Variants in BRICD5 observed in about 807,000 individuals in gnomAD.
The protein encoded by BRICD5 is BRICHOS domain containing 5.
BRICD5 carries 51 observed loss-of-function variants against 28.4 expected under a neutral mutation model. The ratio of observed to expected loss-of-function variants is 1.80; its 90% CI spans 1.43 to 2.27. BRICD5 has a LOEUF of 2.27. BRICD5 is among the 30% of genes most tolerant of loss of function. BRICD5 has a pLI of 0.00. For missense variants in BRICD5, 456 were observed against 309.6 expected, an observed-to-expected ratio of 1.47 and a Z score of -3.55; for synonymous variants, 177 against 130.2, an observed-to-expected ratio of 1.36 and a Z score of -2.44.
Position 2,210,192 on chromosome 16 carries a change from C to T in BRICD5, c.270G>A (p.Ala90=), listed in dbSNP as rs141214489. The change falls in exon 3 of 6, where the codon GCG becomes GCA. Residue 90 remains alanine, a synonymous_variant. Transcript: ENST00000328540. ...GAGGTGGGGTCACTGTGATGGTCGC[C>T]GCGTTCCGGGCCACGTCCACCAGGA... ...QTILVDVARN[A]ATITVTPPQS... 3.2e-5 allele frequency: 51 copies of T among 1,599,674 alleles called. No homozygotes were observed. The highest frequency in any genetic ancestry group is 3.9e-5 in the Non-Finnish European group (46 of 1,174,978).
chr16:2,210,311 C>T (rs1392248572), intron 2 of BRICD5, 30 bp from the exon 3 acceptor site: 1 of 1,507,174 alleles, frequency 6.6e-7, no homozygotes, highest in Non-Finnish European at 8.9e-7. Flanking sequence ...TTCAGCCGGG[C>T]AGCTGTGCAA....
Position 2,210,079 on chromosome 16 carries a change from C to T in BRICD5, c.337-28G>A, listed in dbSNP as rs754242210. ...GGGGAGGCAGGGGGGTGAGGCGGGG[C>T]CCCCCAGACCGACACCTGCCAGGGT... On this transcript the variant is annotated intron_variant, in intron 3 of 5. Coordinates refer to ENST00000328540, the MANE Select transcript of BRICD5 (RefSeq NM_182563.4). 39 of 1,597,938 alleles carry T rather than the reference C, an allele frequency of 2.4e-5. 1 individual carries two copies. The highest frequency in any genetic ancestry group is 1.2e-4 in the South Asian group (11 of 89,332).
intron 4 of BRICD5, 73 bp downstream of exon 4, chr16:2,209,877 T>A: frequency 1.4e-6 from 2 of 1,416,406 alleles, no homozygotes; most frequent in Non-Finnish European, 9.4e-7. Flanking sequence ...CTCCAGCCTG[T>A]CCCGTACTGG....
chr16:2,209,494 C>T (rs1190013535), intron 5 of BRICD5, 38 bp from the exon 6 acceptor site: 1 of 1,613,096 alleles, frequency 6.2e-7, no homozygotes, highest in Admixed American at 1.7e-5. Flanking sequence ...AGGGCTCCGC[C>T]CCCAGCTCCT....
chr16:2,210,451 G>A (rs901217077), intron 2 of BRICD5, 71 bp downstream of exon 2: 1 of 1,544,426 alleles, frequency 6.5e-7, no homozygotes, highest in African/African-American at 1.4e-5. Context: ...TGCTCTGCTG[G>A]AGGCTGGGAT....
Position 2,209,624 on chromosome 16 carries a change from G to A in BRICD5, c.521C>T (p.Pro174Leu), listed in dbSNP as rs9934277. Reference protein sequence around the residue: ...LAVQGSLEVDPAQAGALVQRL... With the variant: ...LAVQGSLEVDLAQAGALVQRL... The stretch of plus-strand genomic sequence containing the variant: ...CTGCACCAAAGCCCCCGCCTGGGCG[G>A]GGTCCACTTCGAGGCTCCCCTGCAC... Residue 174 changes from proline to leucine, a missense_variant, in exon 5 of 6, where the codon CCC becomes CTC. Transcript: ENST00000328540. The A allele has an allele frequency of 1.2e-3, 1,916 of 1,613,296 alleles. 22 individuals are homozygous for A. The African/African-American group carries it at 0.022, about 19-fold the overall frequency.
Position 2,209,629 on chromosome 16 carries a change from C to T in BRICD5, c.516G>A (p.Val172=), listed in dbSNP as rs1479376459. The change falls in exon 5 of 6, where the codon GTG becomes GTA. Residue 172 remains valine (V), a synonymous_variant. Transcript: ENST00000328540. ...CCAAAGCCCCCGCCTGGGCGGGGTC[C>T]ACTTCGAGGCTCCCCTGCACTGCCA... ...ELLAVQGSLE[V]DPAQAGALVQ... The T allele has an allele frequency of 4.3e-6, 7 of 1,613,204 alleles. No homozygotes were observed. Among genetic ancestry groups the T allele is most frequent in the Non-Finnish European group, 5.9e-6 (7 of 1,179,974 alleles).
chr16:2,209,892 C>T (rs1003914057), intron 4 of BRICD5, 58 bp downstream of exon 4: 7 of 1,442,160 alleles, frequency 4.9e-6, no homozygotes, highest in Non-Finnish European at 5.5e-6. Flanking sequence ...TACTGGGCTG[C>T]ACACAGGACC....
chr16:2,209,612 C>G lies in BRICD5; in HGVS notation c.533G>C (p.Gly178Ala), dbSNP rs1372712846. Residue 178 changes from glycine (G) to alanine (A), a missense_variant, in exon 5 of 6, where the codon GGG (glycine) becomes GCG (alanine). Physicochemically the swap from Gly to Ala is moderately conservative, Grantham distance 60. Coordinates refer to ENST00000328540, the MANE Select transcript of BRICD5 (RefSeq NM_182563.4). ...GSLEVDPAQAGALVQRLCMRT... is the reference protein window; with the variant it reads ...GSLEVDPAQAAALVQRLCMRT... Reference sequence around the variant, plus strand: ...CATGCACAGGCGCTGCACCAAAGCCCCCGCCTGGGCGGGGTCCACTTCGAG... The same window carrying G: ...CATGCACAGGCGCTGCACCAAAGCCGCCGCCTGGGCGGGGTCCACTTCGAG... 1.9e-6 allele frequency: 3 copies of G among 1,613,064 alleles called. No individual in the cohort carries two copies. The highest frequency in any genetic ancestry group is 1.7e-6 in the Non-Finnish European group (2 of 1,179,976).
rs745438857 is a variant in BRICD5, at chr16:2,209,358, G to C, written c.*4C>G. On this transcript the variant is annotated 3_prime_UTR_variant, in exon 6 of 6. Coordinates refer to ENST00000328540, the MANE Select transcript of BRICD5 (RefSeq NM_182563.4). ...GACGGGCCAGGCTGGGCCAGGTCGG[G>C]GGCTCAGTCTGGGAGGTAATAAAAG... is the stretch of plus-strand genomic sequence containing the variant. 7.3e-5 allele frequency: 118 copies of C among 1,608,892 alleles called. 1 individual carries two copies. In the East Asian group the frequency reaches 2.6e-3, roughly 36 times the overall value.
chr16:2,210,619 C>T lies in BRICD5; in HGVS notation c.83G>A (p.Arg28Lys), dbSNP rs1202034009. Residue 28 changes from arginine (R) to lysine (K), a missense_variant, in exon 2 of 6, where the codon AGA becomes AAA. Coordinates refer to ENST00000328540, the MANE Select transcript of BRICD5 (RefSeq NM_182563.4). ...CAGCAGCAGGAGCAGGCTCACGGCT[C>T]TCCAGCCCCCGCAGGAGGGCTTGGT... ...VKTKPSCGGW[R>K]AVSLLLLLLL... The T allele has an allele frequency of 1.9e-6, 3 of 1,612,312 alleles. No homozygotes were observed. Among genetic ancestry groups the T allele is most frequent in the Admixed American group, 1.7e-5 (1 of 59,840 alleles).
intron 1 of BRICD5, 39 bp downstream of exon 1, chr16:2,210,744 C>G: frequency 1.2e-6 from 2 of 1,609,042 alleles, no homozygotes; most frequent in Non-Finnish European, 1.7e-6. Context: ...CTGGGGCACC[C>G]CCTGGGTCCT....
At position 2,209,622 on chromosome 16, in the gene BRICD5, C is replaced by G. The variant is rs185171900; in HGVS notation, c.523G>C (p.Ala175Pro). The G allele has an allele frequency of 6.2e-7, 1 of 1,613,088 alleles. No homozygotes were observed. The highest frequency in any genetic ancestry group is 8.5e-7 in the Non-Finnish European group (1 of 1,179,964). ...CGCTGCACCAAAGCCCCCGCCTGGG[C>G]GGGGTCCACTTCGAGGCTCCCCTGC... is the stretch of plus-strand genomic sequence containing the variant. ...AVQGSLEVDPAQAGALVQRLC... is the reference protein window; with the variant it reads ...AVQGSLEVDPPQAGALVQRLC... Residue 175 changes from alanine to proline, a missense_variant, in exon 5 of 6, where the codon GCC becomes CCC. By Grantham distance (27) the Ala-to-Pro change is conservative (BLOSUM62 -1). Transcript: ENST00000328540.
Position 2,210,006 on chromosome 16 carries a change from G to A in BRICD5, c.382C>T (p.Arg128Cys), listed in dbSNP as rs376070541. Residue 128 changes from arginine to cysteine, a missense_variant, in exon 4 of 6, where the codon CGC (arginine) becomes TGC (cysteine). Coordinates refer to ENST00000328540, the MANE Select transcript of BRICD5 (RefSeq NM_182563.4). ...TCCCGATCACTGTCCTCCATCAGGC[G>A]GAGGAAGCAGACCTGGTGCTCCTCA... ...RPEEHQVCFL[R>C]LMEDSDRETL... 23 of 1,562,010 alleles carry A rather than the reference G, an allele frequency of 1.5e-5. No individual in the cohort carries two copies. The highest frequency in any genetic ancestry group is 2.0e-5 in the Non-Finnish European group (23 of 1,148,946).
intron 4 of BRICD5, 26 bp downstream of exon 4, chr16:2,209,924 G>T (rs199717222): frequency 2.0e-6 from 3 of 1,494,166 alleles, no homozygotes; most frequent in Admixed American, 4.8e-5. Flanking sequence ...CCCTGGCCCG[G>T]GCCTGCGCCC....
chr16:2,210,391 G>T, intron 2 of BRICD5, 110 bp from the exon 3 acceptor site: 1 of 1,533,554 alleles, frequency 6.5e-7, no homozygotes, highest in South Asian at 1.3e-5. Context: ...CCACCCCTTG[G>T]TCCTCTGGCT....
At chr16:2,209,867 C>T (rs2093365332) in intron 4 of BRICD5, 83 bp downstream of exon 4, 4 of 1,403,576 alleles carry the variant, frequency 2.8e-6, no homozygotes, top group Admixed American at 2.6e-5. Context: ...GAAACCACAG[C>T]TCCAGCCTGT....
At chr16:2,209,770 C>T (rs1192829726) in intron 4 of BRICD5, 64 bp from the exon 5 acceptor site, 44 of 1,500,338 alleles carry the variant, frequency 2.9e-5, no homozygotes, top group South Asian at 5.1e-5. Flanking sequence ...TTGGCAGGGC[C>T]GGGTACCCTC....
chr16:2,210,025 C>T lies in BRICD5; in HGVS notation c.363G>A (p.Glu121=), dbSNP rs1445035645. 5 of 1,574,504 alleles carry T rather than the reference C, an allele frequency of 3.2e-6. No homozygotes were observed. The East Asian group carries it at 1.1e-4, about 36-fold the overall frequency. ...TCAGGCGGAGGAAGCAGACCTGGTG[C>T]TCCTCAGGGCGGTAACAGATGCAGC... ...QSGCICYRPE[E]HQVCFLRLME... The change falls in exon 4 of 6, where the codon GAG becomes GAA. Residue 121 remains glutamate (E), a synonymous_variant. Transcript: ENST00000328540.
Sources: gnomAD v4.1 joint callset for allele counts on GRCh38, gnomAD v4.1.1 for gene constraint, MANE v1.5 for transcripts, NCBI Gene and HGNC (gene_info 2026-07-23, HGNC 2026-07-21) for gene names.